The following L1TD1 variants were observed in gnomAD, a reference collection of about 807,000 sequenced individuals.
L1TD1 encodes LINE-1 type transposase domain-containing protein 1.
A neutral mutation model predicts 25.7 loss-of-function variants in L1TD1; 26 were observed. The ratio of observed to expected loss-of-function variants is 1.01; its 90% CI spans 0.74 to 1.40. The LOEUF is 1.40. Among genes scored for constraint, L1TD1 ranks in the 40% most tolerant of loss-of-function variants. The pLI is 0.00. For missense variants in L1TD1, 1,130 were observed against 975.0 expected (o/e 1.16, Z -2.12); for synonymous variants, 421 against 335.6 (o/e 1.25, Z -2.78).
At position 62,209,852 on chromosome 1, in the gene L1TD1, C is replaced by A. The variant is rs1670822665; in HGVS notation, c.1078C>A (p.Leu360Ile). 1.2e-6 allele frequency: 2 copies of A among 1,613,610 alleles called. No individual in the cohort carries two copies. Among genetic ancestry groups the A allele is most frequent in the Non-Finnish European group, 1.7e-6 (2 of 1,179,944 alleles). Reference sequence around the variant, plus strand: ...CAGTGATGGCTTGAGCTTCCTATTTCTTAAAGAAGTAAAAGTTGCTAAGCC... The same window carrying A: ...CAGTGATGGCTTGAGCTTCCTATTTATTAAAGAAGTAAAAGTTGCTAAGCC... ...ITSDGLSFLF[L>I]KEVKVAKPEE... The change falls in exon 4 of 4, where the codon CTT (leucine) becomes ATT (isoleucine). Residue 360 changes from leucine (L) to isoleucine (I), a missense_variant. By Grantham distance (5) the Leu-to-Ile change is conservative. Coordinates refer to ENST00000498273, the MANE Select transcript of L1TD1 (RefSeq NM_019079.5).
At chr1:62,206,028 G>A (rs1402706764) in intron 2 of L1TD1, among the ~76,000 whole-genome samples, 1 of 152,116 alleles carries the variant, frequency 6.6e-6, no homozygotes, top group Admixed American at 6.6e-5. Flanking sequence ...ACCATGCCTG[G>A]CCAAGAAAGT....
intron 2 of L1TD1, among the ~76,000 whole-genome samples, chr1:62,196,737 C>T (rs1475660065): frequency 1.3e-5 from 2 of 152,042 alleles, no homozygotes; most frequent in Admixed American, 6.6e-5. Flanking sequence ...GGATTACAGG[C>T]GCCTGCCATT....
At chr1:62,197,397 T>TATATATATATA (rs1670562305) in intron 2 of L1TD1, among the ~76,000 whole-genome samples, 1 of 80,856 alleles carries the variant, frequency 1.2e-5, no homozygotes, top group Non-Finnish European at 2.6e-5. Context: ...AAAAAATAAA[T>TATATATATATA]TATATATATA....
intron 1 of L1TD1, 126 bp from the exon 2 acceptor site, chr1:62,196,309 T>A (rs1331703294): frequency 6.6e-6 from 1 of 152,206 alleles, no homozygotes; most frequent in Middle Eastern, 3.2e-3. Flanking sequence ...CTGCTAATTG[T>A]GTGTGCCTTT....
At chr1:62,208,896 T>C (rs1670805234) in intron 3 of L1TD1, among the ~76,000 whole-genome samples, 1 of 152,246 alleles carries the variant, frequency 6.6e-6, no homozygotes, top group African/African-American at 2.4e-5. Context: ...AAGGAAAAGG[T>C]ACACTTGAAT....
rs1167018309 is a variant in L1TD1 at position 62,211,186 on chromosome 1, A to C, written c.2412A>C (p.Arg804Ser). 6.4e-7 allele frequency: 1 copy of C among 1,551,834 alleles called. No homozygotes were observed. The highest frequency in any genetic ancestry group is 1.4e-5 in the African/African-American group (1 of 73,058). ...TATCACTGGACACACTGGATGCTAGAAGTAAATGGAGCAATGTCTTCAAAG... is the reference window on the plus strand; with the variant it reads ...TATCACTGGACACACTGGATGCTAGCAGTAAATGGAGCAATGTCTTCAAAG... ...ADLSLDTLDA[R>S]SKWSNVFKVL... The change falls in exon 4 of 4, where the codon AGA (arginine) becomes AGC (serine). Residue 804 changes from arginine to serine, a missense_variant. By Grantham distance (110) the Arg-to-Ser change is moderately radical. Transcript: ENST00000498273.
At chr1:62,202,646 G>T (rs1570924021) in intron 2 of L1TD1, among the ~76,000 whole-genome samples, 1 of 133,804 alleles carries the variant, frequency 7.5e-6, no homozygotes, top group Admixed American at 7.8e-5. Flanking sequence ...TGGGCTCATT[G>T]CAACTTCCAC....
rs975842853 is a variant in L1TD1, at chr1:62,207,200, A to G, written c.572A>G (p.His191Arg). 10 of 1,551,916 alleles carry G rather than the reference A, an allele frequency of 6.4e-6. No homozygotes were observed. Among genetic ancestry groups the G allele is most frequent in the South Asian group, 2.4e-5 (2 of 84,200 alleles). ...IDDRDGNRNV[H>R]LEFTERESRK... ...GACAGAGATGGAAATCGCAATGTCCATTTAGAATTTACAGAAAGAGAGAGT... is the reference window on the plus strand; with the variant it reads ...GACAGAGATGGAAATCGCAATGTCCGTTTAGAATTTACAGAAAGAGAGAGT... Residue 191 changes from histidine (H) to arginine (R), a missense_variant, in exon 3 of 4, where the codon CAT becomes CGT. His to Arg is a conservative substitution (Grantham distance 29). Coordinates refer to ENST00000498273, the MANE Select transcript of L1TD1 (RefSeq NM_019079.5).
intron 2 of L1TD1, among the ~76,000 whole-genome samples, chr1:62,198,358 C>T (rs905660719): frequency 6.7e-6 from 1 of 150,154 alleles, no homozygotes; most frequent in East Asian, 1.9e-4. Flanking sequence ...GTCACCTGTA[C>T]GTTGTGAGAG....
intron 1 of L1TD1, 103 bp from the exon 2 acceptor site, chr1:62,196,332 A>T (rs1191005855): frequency 6.6e-6 from 1 of 152,210 alleles, no homozygotes; most frequent in Non-Finnish European, 1.5e-5. Flanking sequence ...AAGCAAACAC[A>T]TGCATAGATA....
In L1TD1 at chr1:62,198,418, A is replaced by T. The variant is rs1410002925; in HGVS notation, c.-111+1890A>T. ...CTCAGAGGTCAGATAATAGAGACTG[A>T]GGTGAGGGACTAGTAATTGTTCTTA... On this transcript the variant is annotated intron_variant, in intron 2 of 3. Transcript: ENST00000498273. Among the ~76,000 whole-genome samples the T allele has an allele frequency of 3.3e-5, 5 of 151,198 alleles. No individual in the cohort carries two copies. In the Admixed American group the frequency reaches 3.3e-4, roughly 10 times the overall value.
At chr1:62,203,429 C>T (rs980682515) in intron 2 of L1TD1, among the ~76,000 whole-genome samples, 3 of 149,480 alleles carry the variant, frequency 2.0e-5, no homozygotes, top group Non-Finnish European at 4.5e-5. Flanking sequence ...ATTCTACTCT[C>T]TTTTTTTTTT....
rs1328695100 is a variant in L1TD1, at chr1:62,196,462, C to A, written c.-177C>A. The A allele has an allele frequency of 6.6e-6, 1 of 152,128 alleles. No homozygotes were observed. The highest frequency in any genetic ancestry group is 1.9e-4 in the East Asian group (1 of 5,190). The allele number at this position is 152,128 out of a possible 1,614,324, so 9.4% of individuals were successfully genotyped here. A position where few individuals can be genotyped will look rare whatever the true frequency, so the allele number is the denominator to read the frequency against. On this transcript the variant is annotated 5_prime_UTR_variant, in exon 2 of 4. Transcript: ENST00000498273. Reference sequence around the variant, plus strand: ...ACCAAGGCACAGCTTAGAGTAGACCCGAGTCCTGCTCTGCGGAGTTCGTCT... The same window carrying A: ...ACCAAGGCACAGCTTAGAGTAGACCAGAGTCCTGCTCTGCGGAGTTCGTCT...
At position 62,211,032 on chromosome 1, in the gene L1TD1, AG is replaced by A. The variant is rs1257577481; in HGVS notation, c.2259del (p.Arg754AspfsTer2). 1.3e-6 allele frequency: 2 copies of A among 1,548,328 alleles called. No homozygotes were observed. The highest frequency in any genetic ancestry group is 2.7e-5 in the African/African-American group (2 of 72,752). ...CGAGTACCTAGTAAAATTGATGAAA[AG>A]AGACTGACTCCTAGACACATCTTGG... ...ACRVPSKIDE[K>X]RLTPRHILVK... is the part of the protein sequence containing the mutation. On this transcript the variant is annotated frameshift_variant, in exon 4 of 4. Transcript: ENST00000498273. LOFTEE classifies it low-confidence loss of function (END_TRUNC).
At position 62,207,289 on chromosome 1, in the gene L1TD1, A is replaced by T. The variant is rs1351840633; in HGVS notation, c.661A>T (p.Lys221Ter). The part of the protein sequence containing the change: ...MREERKFQKL[K>*]NKEEVLKASR... ...AGAGGAAAGAAAATTTCAGAAATTGAAGAATAAAGAGGAGGTTTTAAAAGC... is the reference window on the plus strand; with the variant it reads ...AGAGGAAAGAAAATTTCAGAAATTGTAGAATAAAGAGGAGGTTTTAAAAGC... The change falls in exon 3 of 4, where the codon AAG becomes TAG. Residue 221 changes from lysine to a stop codon, truncating the protein, a stop_gained. Transcript: ENST00000498273. LOFTEE classifies it high-confidence loss of function. 4 of 1,550,810 alleles carry T rather than the reference A, an allele frequency of 2.6e-6. No individual in the cohort carries two copies. The highest frequency in any genetic ancestry group is 3.5e-6 in the Non-Finnish European group (4 of 1,146,804).
At chr1:62,205,742 T>C (rs983149929) in intron 2 of L1TD1, among the ~76,000 whole-genome samples, 22 of 151,880 alleles carry the variant, frequency 1.4e-4, no homozygotes, top group African/African-American at 5.3e-4. Context: ...ACAATATTAT[T>C]CTGTTGAGAC....
chr1:62,207,315 C>T lies in L1TD1; in HGVS notation c.687C>T (p.Ala229=). ...AGAATAAAGAGGAGGTTTTAAAAGC[C>T]TCCAGAGAAGAAAAAGTGTTGATGG... ...KLKNKEEVLK[A]SREEKVLMDE... Residue 229 remains alanine, a synonymous_variant, in exon 3 of 4, where the codon GCC becomes GCT. Transcript: ENST00000498273. The T allele has an allele frequency of 6.4e-7, 1 of 1,550,872 alleles. No homozygotes were observed.
rs747900222 is a variant in L1TD1, at chr1:62,210,552, AAC to A, written c.1782_1783del (p.His594GlnfsTer26). On this transcript the variant is annotated frameshift_variant, in exon 4 of 4. Coordinates refer to ENST00000498273, the MANE Select transcript of L1TD1 (RefSeq NM_019079.5). LOFTEE classifies it low-confidence loss of function (END_TRUNC). ...AAACTTAAGAAAACAGAAGAAAAGA[AAC>A]ACAGAACTCTGCACACAGAAGAACT... 7.3e-5 allele frequency: 117 copies of A among 1,612,220 alleles called. No individual in the cohort carries two copies. Among genetic ancestry groups the A allele is most frequent in the Middle Eastern group, 1.6e-4 (1 of 6,066 alleles).
At chr1:62,199,565 G>A (rs1670604657) in intron 2 of L1TD1, among the ~76,000 whole-genome samples, 2 of 151,518 alleles carry the variant, frequency 1.3e-5, no homozygotes. Flanking sequence ...GTGCCCGGCT[G>A]TAATTTTCAG....
Sources: allele counts gnomAD v4.1 joint callset (sites outside exome capture counted in the v4.1 genomes callset), GRCh38; gene constraint gnomAD v4.1.1; transcripts MANE v1.5; gene names NCBI Gene and HGNC (gene_info 2026-07-23, HGNC 2026-07-21).